STPG4: variants seen among roughly 807,000 people sequenced by gnomAD.
The protein encoded by STPG4 is sperm-tail PG-rich repeat containing 4.
STPG4 carries 41 observed loss-of-function variants against 31.5 expected under a neutral mutation model. The observed-to-expected ratio is 1.30, with a 90% CI of 1.01 to 1.69. The LOEUF (loss-of-function observed/expected upper bound fraction) is 1.69. STPG4 is among the 40% of genes most tolerant of loss of function. The probability of loss-of-function intolerance (pLI) is 0.00; values close to 1 mark genes in which losing one functional copy is unlikely to be tolerated. For synonymous variants in STPG4, 141 were observed against 103.0 expected (o/e 1.37, Z -2.24); for missense variants, 375 against 293.4 (o/e 1.28, Z -2.03).
intron 5 of STPG4, among the ~76,000 whole-genome samples, chr2:47,122,400 A>G (rs1182375349): frequency 4.6e-5 from 7 of 152,120 alleles, no homozygotes; most frequent in African/African-American, 1.7e-4. Context: ...ATTATCTCAG[A>G]AAGTTTGCTT....
At chr2:47,097,520 G>A (rs1685697321) in intron 5 of STPG4, among the ~76,000 whole-genome samples, 1 of 152,018 alleles carries the variant, frequency 6.6e-6, no homozygotes, top group Admixed American at 6.6e-5. Context: ...GAGGCCTGAG[G>A]AAGCTTGTCT....
intron 5 of STPG4, among the ~76,000 whole-genome samples, chr2:47,106,868 T>A (rs1230353228): frequency 6.6e-6 from 1 of 151,908 alleles, no homozygotes; most frequent in African/African-American, 2.4e-5. Context: ...ATCGAGGCCA[T>A]CAAGCTACAG....
At chr2:47,148,699 G>C (rs935952707) in intron 3 of STPG4, among the ~76,000 whole-genome samples, 1 of 152,064 alleles carries the variant, frequency 6.6e-6, no homozygotes, top group African/African-American at 2.4e-5. Flanking sequence ...CTCCACGACA[G>C]GCTCCTGTGT....
chr2:47,123,292 A>C (rs994221867), intron 5 of STPG4, among the ~76,000 whole-genome samples: 1 of 152,238 alleles, frequency 6.6e-6, no homozygotes, highest in African/African-American at 2.4e-5. Context: ...TTTAAAAGGA[A>C]AGAAACAGAG....
chr2:47,090,800 A>AT, intron 5 of STPG4, among the ~76,000 whole-genome samples: 1 of 152,366 alleles, frequency 6.6e-6, no homozygotes, highest in Non-Finnish European at 1.5e-5. Flanking sequence ...TATAAATGTC[A>AT]TATATGTTAT....
intron 1 of STPG4, among the ~76,000 whole-genome samples, chr2:47,154,961 C>G (rs538663243): frequency 1.3e-5 from 2 of 151,878 alleles, no homozygotes; most frequent in African/African-American, 4.8e-5. Context: ...AGGGAAGAAG[C>G]AAGGGGAAAA....
intron 5 of STPG4, chr2:47,121,005 T>A (rs779820939): frequency 6.6e-6 from 1 of 152,574 alleles, no homozygotes; most frequent in African/African-American, 2.4e-5. Context: ...GGAGGAATAG[T>A]AGCTGACCTG....
At chr2:47,117,088 T>C (rs1191698480) in intron 5 of STPG4, among the ~76,000 whole-genome samples, 1 of 152,192 alleles carries the variant, frequency 6.6e-6, no homozygotes, top group Non-Finnish European at 1.5e-5. Flanking sequence ...AAGCTTTCTC[T>C]TCACCCATGC....
chr2:47,094,028 G>T lies in STPG4; in HGVS notation c.520-3654C>A, dbSNP rs148572591. Among the ~76,000 whole-genome samples, 31 of 152,304 alleles carry T rather than the reference G, an allele frequency of 2.0e-4. 1 individual carries two copies. The highest frequency in any genetic ancestry group is 7.5e-4 in the African/African-American group (31 of 41,566). ...CAATAGGAGGGTGTTTAAAACAAGA[G>T]GGACATTTGAACCATGTTCTCCTCT... On this transcript the variant is annotated intron_variant, in intron 5 of 6. Coordinates refer to ENST00000445927, the MANE Select transcript of STPG4 (RefSeq NM_001163561.2).
intron 6 of STPG4, among the ~76,000 whole-genome samples, chr2:47,089,934 G>A (rs1004500550): frequency 6.6e-6 from 1 of 152,188 alleles, no homozygotes; most frequent in African/African-American, 2.4e-5. Flanking sequence ...CATTCTGGCT[G>A]GCAGGAGGCA....
Position 47,129,959 on chromosome 2 carries a change from T to G in STPG4, c.501A>C (p.Pro167=). 6.2e-7 allele frequency: 1 copy of G among 1,606,534 alleles called. No homozygotes were observed. Among genetic ancestry groups the G allele is most frequent in the Non-Finnish European group, 8.5e-7 (1 of 1,173,824 alleles). The part of the protein sequence containing the change: ...CVFRSTVQRF[P]TTYFIPHEGP... ...TACTTACGGGAATAAAATAGGTTGTTGGGAATCTTTGAACTGTTGAGCGAA... is the reference window on the plus strand; with the variant it reads ...TACTTACGGGAATAAAATAGGTTGTGGGGAATCTTTGAACTGTTGAGCGAA... Residue 167 remains proline (P), a synonymous_variant, in exon 5 of 7, where the codon CCA becomes CCC. Coordinates refer to ENST00000445927, the MANE Select transcript of STPG4 (RefSeq NM_001163561.2).
At chr2:47,143,491 T>C (rs996621507) in intron 3 of STPG4, among the ~76,000 whole-genome samples, 4 of 151,584 alleles carry the variant, frequency 2.6e-5, no homozygotes, top group African/African-American at 7.3e-5. Context: ...TTTGCTCATT[T>C]TTTTTTTTTT....
intron 5 of STPG4, among the ~76,000 whole-genome samples, chr2:47,116,310 G>A (rs931427213): frequency 2.0e-5 from 3 of 152,058 alleles, no homozygotes; most frequent in African/African-American, 4.8e-5. Context: ...ACAAAATAGC[G>A]GTTTATCCCA....
At chr2:47,141,012 G>A (rs111702027) in intron 3 of STPG4, among the ~76,000 whole-genome samples, 6 of 151,664 alleles carry the variant, frequency 4.0e-5, no homozygotes, top group East Asian at 3.9e-4. Flanking sequence ...TTAGCCTCCC[G>A]AGTAGCTGTG....
chr2:47,090,643 C>T (rs553341213), intron 5 of STPG4, among the ~76,000 whole-genome samples: 1 of 152,256 alleles, frequency 6.6e-6, no homozygotes, highest in South Asian at 2.1e-4. Flanking sequence ...TGCCAGGGTC[C>T]CTGATGCCCC....
At chr2:47,123,516 C>T (rs943898845) in intron 5 of STPG4, among the ~76,000 whole-genome samples, 2 of 151,962 alleles carry the variant, frequency 1.3e-5, no homozygotes, top group African/African-American at 4.8e-5. Flanking sequence ...GTTATGAATG[C>T]TATGAAGTAA....
intron 3 of STPG4, among the ~76,000 whole-genome samples, chr2:47,141,812 T>C (rs2103795534): frequency 6.6e-6 from 1 of 151,672 alleles, no homozygotes; most frequent in East Asian, 1.9e-4. Context: ...TGTTGTTTGT[T>C]GTTTTCTAAG....
At chr2:47,105,685 G>T (rs186152044) in intron 5 of STPG4, among the ~76,000 whole-genome samples, 1 of 152,170 alleles carries the variant, frequency 6.6e-6, no homozygotes, top group African/African-American at 2.4e-5. Context: ...CATAGTTAGT[G>T]ATGTAACCAT....
At chr2:47,103,015 T>A (rs750924996) in intron 5 of STPG4, among the ~76,000 whole-genome samples, 3 of 151,810 alleles carry the variant, frequency 2.0e-5, no homozygotes, top group Non-Finnish European at 2.9e-5. Flanking sequence ...CCCGAGAGTT[T>A]GGAGATACCT....
Sources: gnomAD v4.1 joint callset for allele counts (sites outside exome capture counted in the v4.1 genomes callset) on GRCh38, gnomAD v4.1.1 for gene constraint, MANE v1.5 for transcripts, NCBI Gene and HGNC (gene_info 2026-07-23, HGNC 2026-07-21) for gene names.